DCAF17: variants seen among roughly 807,000 people sequenced by gnomAD.
DCAF17 encodes the protein DDB1- and CUL4-associated factor 17.
DCAF17 carries 48 observed loss-of-function variants against 66.0 expected under a neutral mutation model. That is an observed-to-expected ratio of 0.73 (90% confidence interval 0.58 to 0.92). DCAF17 has a LOEUF of 0.92. DCAF17 is among the 40% of genes least tolerant of loss of function. The probability of loss-of-function intolerance (pLI) is 0.00; values close to 1 mark genes in which losing one functional copy is unlikely to be tolerated. For synonymous variants in DCAF17, 206 were observed against 214.6 expected, an observed-to-expected ratio of 0.96 and a Z score of 0.35; for missense variants, 562 against 622.8, an observed-to-expected ratio of 0.90 and a Z score of 1.04.
intron 6 of DCAF17, among the ~76,000 whole-genome samples, chr2:171,454,263 A>G (rs1695117473): frequency 6.6e-6 from 1 of 151,804 alleles, no homozygotes; most frequent in Non-Finnish European, 1.5e-5. Context: ...CTACTTTATT[A>G]TAGCAGTCAT....
At chr2:171,460,489 A>G (rs1283365252) in intron 8 of DCAF17, among the ~76,000 whole-genome samples, 1 of 151,138 alleles carries the variant, frequency 6.6e-6, no homozygotes, top group Non-Finnish European at 1.5e-5. Flanking sequence ...ACACTCTGCT[A>G]CTAATTGGTG....
intron 2 of DCAF17, among the ~76,000 whole-genome samples, chr2:171,442,744 G>A (rs1694377604): frequency 6.6e-6 from 1 of 151,874 alleles, no homozygotes; most frequent in Non-Finnish European, 1.5e-5. Flanking sequence ...GCTAAGCGTA[G>A]TAGCATGAGC....
intron 8 of DCAF17, among the ~76,000 whole-genome samples, chr2:171,468,058 C>CTAAAGGCT (rs1444821528): frequency 6.6e-6 from 1 of 152,018 alleles, no homozygotes; most frequent in African/African-American, 2.4e-5. Context: ...GTGGTGTTTC[C>CTAAAGGCT]TAAAGGCTGC....
At chr2:171,475,540 G>A (rs1242676677) in intron 10 of DCAF17, among the ~76,000 whole-genome samples, 4 of 152,132 alleles carry the variant, frequency 2.6e-5, no homozygotes, top group Non-Finnish European at 5.9e-5. Flanking sequence ...CGAAGCAGGA[G>A]GATCCCCTGA....
chr2:171,465,281 G>T (rs1695832602), intron 8 of DCAF17, among the ~76,000 whole-genome samples: 1 of 151,914 alleles, frequency 6.6e-6, no homozygotes, highest in Non-Finnish European at 1.5e-5. Context: ...AGCCCAGTAA[G>T]TATACACATG....
chr2:171,448,882 A>C, intron 4 of DCAF17, 65 bp downstream of exon 4: 1 of 1,463,800 alleles, frequency 6.8e-7, no homozygotes, highest in South Asian at 1.2e-5. Flanking sequence ...GGCCCATGAA[A>C]TTTCAAGCCT....
rs1220986267 is a variant in DCAF17, at chr2:171,483,400, C to T, written c.*2286C>T. On this transcript the variant is annotated 3_prime_UTR_variant, in exon 14 of 14. Transcript: ENST00000375255. Reference sequence around the variant, plus strand: ...GGTAGCTTCCATCAGCAGGTACAGACGTTACGCTGAAAAGAGGTGCATTCT... The same window carrying T: ...GGTAGCTTCCATCAGCAGGTACAGATGTTACGCTGAAAAGAGGTGCATTCT... The T allele has an allele frequency of 8.8e-6, 4 of 453,968 alleles. No homozygotes were observed. Among genetic ancestry groups the T allele is most frequent in the Middle Eastern group, 6.8e-4 (1 of 1,466 alleles). 28.1% of individuals were successfully genotyped at this position (453,968 alleles called of 1,614,324 possible).
chr2:171,470,706 C>T (rs1696196252), intron 9 of DCAF17, among the ~76,000 whole-genome samples: 1 of 152,174 alleles, frequency 6.6e-6, no homozygotes, highest in Non-Finnish European at 1.5e-5. Flanking sequence ...TTTCACTTAA[C>T]TTTGGATCTA....
chr2:171,478,021 G>T lies in DCAF17; in HGVS notation c.1217G>T (p.Arg406Leu). 1 of 1,613,762 alleles carries T rather than the reference G, an allele frequency of 6.2e-7. No individual in the cohort carries two copies. Among genetic ancestry groups the T allele is most frequent in the South Asian group, 1.1e-5 (1 of 91,068 alleles). Residue 406 changes from arginine (R) to leucine (L), a missense_variant, in exon 12 of 14, where the codon CGG becomes CTG. Transcript: ENST00000375255. ...GTACTCACTGTTACAGCTTCTGGAC[G>T]GGTGGTAAAAAAAAGTTTTAACCTT... ...ENVLTVTASG[R>L]VVKKSFNLLD...
At chr2:171,465,138 C>T (rs1559281182) in intron 8 of DCAF17, among the ~76,000 whole-genome samples, 2 of 151,066 alleles carry the variant, frequency 1.3e-5, no homozygotes, top group Non-Finnish European at 2.9e-5. Flanking sequence ...GTGGAGGTTG[C>T]AGTGAGCCGA....
At chr2:171,458,219 T>C in intron 7 of DCAF17, 144 bp downstream of exon 7, 1 of 1,028,344 alleles carries the variant, frequency 9.7e-7, no homozygotes, top group Non-Finnish European at 1.5e-6. Flanking sequence ...AGAAGACAAG[T>C]AACCTTTAAA....
intron 8 of DCAF17, among the ~76,000 whole-genome samples, chr2:171,467,842 T>A (rs1056642222): frequency 4.0e-5 from 6 of 151,878 alleles, no homozygotes; most frequent in African/African-American, 1.5e-4. Flanking sequence ...TTTTTTCCCA[T>A]GTATAGCTCT....
At chr2:171,479,935 T>C (rs2105813004) in intron 12 of DCAF17, 103 bp from the exon 13 acceptor site, 2 of 1,302,380 alleles carry the variant, frequency 1.5e-6, no homozygotes, top group African/African-American at 1.5e-5. Context: ...TTCTCCCATA[T>C]TTTTGTAAGT....
chr2:171,461,615 A>G (rs112955444), intron 8 of DCAF17, among the ~76,000 whole-genome samples: 72 of 152,314 alleles, frequency 4.7e-4, no homozygotes, highest in African/African-American at 1.7e-3. Flanking sequence ...GAATCATACC[A>G]TAAGTGCTCT....
At chr2:171,469,607 A>G (rs1394100153) in intron 9 of DCAF17, among the ~76,000 whole-genome samples, 1 of 152,188 alleles carries the variant, frequency 6.6e-6, no homozygotes, top group Non-Finnish European at 1.5e-5. Flanking sequence ...TTGATTTGTC[A>G]TTTAATAAAC....
Position 171,448,667 on chromosome 2 carries a change from C to A in DCAF17, c.322-14C>A. Reference sequence around the variant, plus strand: ...CAAGCAGTTTCATTTTTATATCTCTCTTTTTTTTTTTAGGGAGATATACTT... The same window carrying A: ...CAAGCAGTTTCATTTTTATATCTCTATTTTTTTTTTTAGGGAGATATACTT... On this transcript the variant is annotated splice_polypyrimidine_tract_variant and intron_variant, in intron 3 of 13. Transcript: ENST00000375255. The A allele has an allele frequency of 7.5e-7, 1 of 1,328,414 alleles. No homozygotes were observed. The highest frequency in any genetic ancestry group is 1.4e-5 in the South Asian group (1 of 69,338). 82.3% of individuals were successfully genotyped at this position (1,328,414 alleles called of 1,614,324 possible).
At chr2:171,477,005 C>A in intron 11 of DCAF17, 55 bp downstream of exon 11, 1 of 1,269,580 alleles carries the variant, frequency 7.9e-7, no homozygotes, top group Non-Finnish European at 1.1e-6. Context: ...CTATATAAGA[C>A]TATAATATGC....
intron 4 of DCAF17, 119 bp downstream of exon 4, chr2:171,448,936 A>G (rs1694794893): frequency 3.4e-6 from 3 of 884,848 alleles, no homozygotes; most frequent in African/African-American, 3.4e-5. Flanking sequence ...ATCTCAATTA[A>G]TAAACCTATT....
intron 4 of DCAF17, 135 bp downstream of exon 4, chr2:171,448,952 T>C: frequency 1.3e-6 from 1 of 770,390 alleles, no homozygotes; most frequent in Non-Finnish European, 2.1e-6. Context: ...CTATTTTCTT[T>C]TTCTCCCCTC....
Sources: allele counts gnomAD v4.1 joint callset (sites outside exome capture counted in the v4.1 genomes callset), GRCh38; gene constraint gnomAD v4.1.1; transcripts MANE v1.5; gene names NCBI Gene and HGNC (gene_info 2026-07-23, HGNC 2026-07-21).